Variants in PTPRD observed in about 807,000 individuals in gnomAD.
PTPRD encodes the protein receptor-type tyrosine-protein phosphatase delta.
In PTPRD, 34 loss-of-function variants were observed where a neutral mutation model predicts 214.5. The ratio of observed to expected loss-of-function variants is 0.16; its 90% confidence interval spans 0.12 to 0.21. PTPRD has a LOEUF of 0.21. PTPRD is among the 10% of genes least tolerant of loss of function. The pLI is 1.00. For missense variants in PTPRD, 2,545 were observed against 2,398.7 expected, an observed-to-expected ratio of 1.06 and a Z score of -1.27; for synonymous variants, 1,128 against 845.7, an observed-to-expected ratio of 1.33 and a Z score of -5.79.
At chr9:9,899,704 C>G (rs1311375629) in intron 5 of PTPRD, among the ~76,000 whole-genome samples, 1 of 151,604 alleles carries the variant, frequency 6.6e-6, no homozygotes, top group Non-Finnish European at 1.5e-5. Context: ...CTAGATATAC[C>G]TCCAAAGGAA....
chr9:9,026,657 T>C (rs2099588197), intron 10 of PTPRD, among the ~76,000 whole-genome samples: 1 of 152,000 alleles, frequency 6.6e-6, no homozygotes, highest in Admixed American at 6.6e-5. Context: ...TGTTTCTATT[T>C]CTTTTTAAAG....
chr9:9,371,524 T>C (rs2059488927), intron 9 of PTPRD, among the ~76,000 whole-genome samples: 1 of 152,206 alleles, frequency 6.6e-6, no homozygotes, highest in African/African-American at 2.4e-5. Context: ...TTAGTCTTGC[T>C]AGTGGTCTAT....
intron 5 of PTPRD, among the ~76,000 whole-genome samples, chr9:9,798,513 G>T (rs183628212): frequency 6.6e-6 from 1 of 152,280 alleles, no homozygotes; most frequent in Non-Finnish European, 1.5e-5. Context: ...TTCTTCCAAG[G>T]ATAGGGAAGG....
At chr9:10,571,573 C>T (rs574984530) in intron 2 of PTPRD, among the ~76,000 whole-genome samples, 7 of 152,190 alleles carry the variant, frequency 4.6e-5, no homozygotes, top group Admixed American at 1.3e-4. Context: ...AACCTCAGTT[C>T]CCTCATCTGT....
intron 3 of PTPRD, among the ~76,000 whole-genome samples, chr9:10,063,137 G>C (rs1436937019): frequency 6.6e-6 from 1 of 152,038 alleles, no homozygotes; most frequent in Admixed American, 6.6e-5. Context: ...AATACAGCAA[G>C]TACACTAATA....
At chr9:10,216,236 G>A (rs889453319) in intron 3 of PTPRD, among the ~76,000 whole-genome samples, 2 of 151,660 alleles carry the variant, frequency 1.3e-5, no homozygotes, top group African/African-American at 4.8e-5. Flanking sequence ...TAAGGTTTGG[G>A]GCCTGAGAGT....
intron 2 of PTPRD, among the ~76,000 whole-genome samples, chr9:10,413,557 C>A (rs1239957435): frequency 6.6e-6 from 1 of 151,880 alleles, no homozygotes; most frequent in Non-Finnish European, 1.5e-5. Flanking sequence ...AGATTCAATT[C>A]TATTCCTATG....
chr9:10,015,737 C>A (rs998143672), intron 4 of PTPRD, among the ~76,000 whole-genome samples: 3 of 152,092 alleles, frequency 2.0e-5, no homozygotes, highest in Non-Finnish European at 4.4e-5. Flanking sequence ...GGTGGGGGAA[C>A]CACAATAGCA....
At chr9:10,258,428 T>C (rs2093446034) in intron 3 of PTPRD, among the ~76,000 whole-genome samples, 1 of 152,226 alleles carries the variant, frequency 6.6e-6, no homozygotes, top group Non-Finnish European at 1.5e-5. Context: ...TATAAGAGGC[T>C]ATCTTGCCAT....
At chr9:9,059,849 A>G (rs1465195738) in intron 10 of PTPRD, among the ~76,000 whole-genome samples, 1 of 152,162 alleles carries the variant, frequency 6.6e-6, no homozygotes, top group East Asian at 1.9e-4. Flanking sequence ...TACATTAAAA[A>G]TGTATAGGAC....
At chr9:9,878,502 C>T (rs1336989489) in intron 5 of PTPRD, among the ~76,000 whole-genome samples, 5 of 152,024 alleles carry the variant, frequency 3.3e-5, no homozygotes, top group African/African-American at 1.2e-4. Context: ...CCAGGAGGGG[C>T]AAATAAATGT....
At chr9:9,984,680 G>A (rs747630803) in intron 4 of PTPRD, among the ~76,000 whole-genome samples, 1 of 152,146 alleles carries the variant, frequency 6.6e-6, no homozygotes, top group African/African-American at 2.4e-5. Flanking sequence ...GGCACAGCAG[G>A]TGAATTGATA....
intron 11 of PTPRD, among the ~76,000 whole-genome samples, chr9:8,979,860 G>T (rs2099299012): frequency 1.3e-5 from 2 of 152,002 alleles, no homozygotes; most frequent in Admixed American, 6.6e-5. Flanking sequence ...TCCTCTTTTG[G>T]ACATATACCC....
chr9:8,435,922 C>A (rs185023185), intron 35 of PTPRD, among the ~76,000 whole-genome samples: 1 of 152,144 alleles, frequency 6.6e-6, no homozygotes, highest in Non-Finnish European at 1.5e-5. Flanking sequence ...AGATAATATA[C>A]ACATACTCAA....
intron 39 of PTPRD, among the ~76,000 whole-genome samples, chr9:8,365,877 G>C (rs1414971550): frequency 6.6e-6 from 1 of 152,132 alleles, no homozygotes. Context: ...CTGAGAAAAA[G>C]AGCTCAGGAG....
At chr9:9,973,369 G>A (rs2095223084) in intron 4 of PTPRD, among the ~76,000 whole-genome samples, 1 of 151,572 alleles carries the variant, frequency 6.6e-6, no homozygotes, top group African/African-American at 2.4e-5. Context: ...CTACTTGGAA[G>A]GCTGAAGCCG....
At chr9:10,482,198 C>A (rs536473906) in intron 2 of PTPRD, among the ~76,000 whole-genome samples, 1 of 151,742 alleles carries the variant, frequency 6.6e-6, no homozygotes, top group Non-Finnish European at 1.5e-5. Context: ...AGTGAAACCC[C>A]ATCTCTACTA....
At chr9:9,211,897 C>T (rs1356971524) in intron 9 of PTPRD, among the ~76,000 whole-genome samples, 1 of 151,892 alleles carries the variant, frequency 6.6e-6, no homozygotes, top group Non-Finnish European at 1.5e-5. Context: ...GTGTTGCAGC[C>T]AGCCAAGATT....
chr9:8,393,724 A>G (rs905636424), intron 36 of PTPRD, among the ~76,000 whole-genome samples: 2 of 152,154 alleles, frequency 1.3e-5, no homozygotes, highest in African/African-American at 4.8e-5. Context: ...TGATGTCAAT[A>G]GTTGTAACCC....
Sources: allele counts gnomAD v4.1 joint callset (sites outside exome capture counted in the v4.1 genomes callset), GRCh38; gene constraint gnomAD v4.1.1; transcripts MANE v1.5; gene names NCBI Gene and HGNC (gene_info 2026-07-23, HGNC 2026-07-21).